The following PRKDC variants were observed in gnomAD, a reference collection of about 807,000 sequenced individuals.
PRKDC encodes DNA-dependent protein kinase catalytic subunit.
In PRKDC, 82 loss-of-function variants were observed where a neutral mutation model predicts 486.9. The ratio of observed to expected loss-of-function variants is 0.17; its 90% CI spans 0.14 to 0.20. PRKDC has a LOEUF of 0.20. Among genes scored for constraint, PRKDC ranks in the 10% least tolerant of loss-of-function variants. PRKDC has a pLI of 1.00. For synonymous variants in PRKDC, 1,895 were observed against 1,837.0 expected (o/e 1.03, Z -0.81); for missense variants, 4,504 against 5,038.2 (o/e 0.89, Z 3.21).
chr8:47,900,335 G>C, intron 28 of PRKDC, 38 bp downstream of exon 28: 1 of 1,492,512 alleles, frequency 6.7e-7, no homozygotes, highest in Non-Finnish European at 9.1e-7. Context: ...AAACTCTTCA[G>C]ACCTGTAACG....
At chr8:47,853,618 G>A (rs945020360) in intron 51 of PRKDC, among the ~76,000 whole-genome samples, 4 of 152,148 alleles carry the variant, frequency 2.6e-5, no homozygotes, top group East Asian at 1.9e-4. Context: ...AGCCCTCACC[G>A]TCAGAGAGCC....
intron 76 of PRKDC, among the ~76,000 whole-genome samples, chr8:47,786,644 T>C (rs949222694): frequency 1.3e-5 from 2 of 151,862 alleles, no homozygotes; most frequent in African/African-American, 4.8e-5. Flanking sequence ...AAGAGAAAAA[T>C]TTAAGAATGC....
chr8:47,935,328 T>C (rs1485386761), intron 13 of PRKDC, among the ~76,000 whole-genome samples: 1 of 151,950 alleles, frequency 6.6e-6, no homozygotes, highest in African/African-American at 2.4e-5. Context: ...GGTGAAACCC[T>C]GTCTCTACTA....
rs558717474 is a variant in PRKDC, at chr8:47,777,140, A to G, written c.12043-157T>C. 1.9e-4 allele frequency among the ~76,000 whole-genome samples: 29 copies of G among 152,206 alleles called. No individual in the cohort carries two copies. In the South Asian group the frequency reaches 6.0e-3, roughly 32 times the overall value. On this transcript the variant is annotated intron_variant, in intron 84 of 85. Transcript: ENST00000314191. ...CTACAAAGCTGTTCATACAGACTCC[A>G]TGGCACACACATCACGAGACGAGGG...
At chr8:47,835,828 T>C (rs568313366) in intron 58 of PRKDC, among the ~76,000 whole-genome samples, 4 of 151,642 alleles carry the variant, frequency 2.6e-5, no homozygotes, top group African/African-American at 9.7e-5. Flanking sequence ...AGTGGCGTGA[T>C]CACAGATCAC....
rs1467968549 is a variant in PRKDC, at chr8:47,800,795, T to C, written c.10114A>G (p.Lys3372Glu). 6.2e-7 allele frequency: 1 copy of C among 1,606,338 alleles called. No individual in the cohort carries two copies. Among genetic ancestry groups the C allele is most frequent in the East Asian group, 2.2e-5 (1 of 44,798 alleles). The change falls in exon 71 of 86, where the codon AAG becomes GAG. Residue 3372 changes from lysine to glutamate, a missense_variant and splice_region_variant. Lys to Glu is a moderately conservative substitution (Grantham distance 56). Around this residue, in one of 6 missense-constraint regions of PRKDC, gnomAD observed 1,592 missense variants for 1,724.6 expected, o/e 0.92. Transcript: ENST00000314191. ...GTAAAACATTCCTCCAGTATTACCT[T>C]CTCTGAATCCTCTGAACTGGATCCA... ...LSGSSSEDSE[K>E]VIAGLYQRAF... is the part of the protein sequence containing the mutation.
At chr8:47,841,956 G>C (rs2088156394) in intron 54 of PRKDC, among the ~76,000 whole-genome samples, 1 of 152,202 alleles carries the variant, frequency 6.6e-6, no homozygotes. Context: ...CACCTCACCA[G>C]CTGCACAACC....
At chr8:47,907,596 G>A (rs1362614706) in intron 25 of PRKDC, among the ~76,000 whole-genome samples, 1 of 142,032 alleles carries the variant, frequency 7.0e-6, no homozygotes, top group East Asian at 2.1e-4. Flanking sequence ...GCGCAGTGGT[G>A]AAATCTGGGC....
At chr8:47,859,239 A>G (rs1305785000) in intron 46 of PRKDC, among the ~76,000 whole-genome samples, 1 of 152,150 alleles carries the variant, frequency 6.6e-6, no homozygotes, top group Admixed American at 6.5e-5. Flanking sequence ...TCCTGAGGTC[A>G]GATGTCTCTG....
chr8:47,945,597 C>G (rs973476196), intron 7 of PRKDC, among the ~76,000 whole-genome samples: 6 of 152,238 alleles, frequency 3.9e-5, no homozygotes, highest in Admixed American at 6.5e-5. Context: ...CTTTTTAAGT[C>G]TAAGTAATGT....
chr8:47,798,187 C>CT (rs781742592), intron 73 of PRKDC, 50 bp downstream of exon 73: 28 of 1,572,658 alleles, frequency 1.8e-5, no homozygotes, highest in Non-Finnish European at 2.4e-5. Flanking sequence ...ATAAGCGTAT[C>CT]TTTAAGTTCT....
chr8:47,786,284 C>G (rs1477633206), intron 76 of PRKDC, among the ~76,000 whole-genome samples: 1 of 147,976 alleles, frequency 6.8e-6, no homozygotes, highest in Non-Finnish European at 1.5e-5. Flanking sequence ...CGGTGGCACT[C>G]GCCTGTAGTC....
intron 56 of PRKDC, among the ~76,000 whole-genome samples, chr8:47,838,009 A>T (rs1390953146): frequency 1.3e-5 from 2 of 151,928 alleles, no homozygotes; most frequent in African/African-American, 2.4e-5. Flanking sequence ...GGTGGCACCC[A>T]CCTGTAGTCC....
rs572298242 is a variant in PRKDC at position 47,860,909 on chromosome 8, A to G, written c.6048T>C (p.Asn2016=). The G allele has an allele frequency of 1.9e-6, 3 of 1,607,858 alleles. No individual in the cohort carries two copies. Among genetic ancestry groups the G allele is most frequent in the Non-Finnish European group, 2.5e-6 (3 of 1,177,056 alleles). ...EIRKEAREAA[N]GDSDGPSYMS... is the part of the protein sequence containing the mutation. ...TTGAAAACATCCTACCTGAATCCCCATTTGCTGCTTCTCTGGCTTCTTTCC... is the reference window on the plus strand; with the variant it reads ...TTGAAAACATCCTACCTGAATCCCCGTTTGCTGCTTCTCTGGCTTCTTTCC... Residue 2016 remains asparagine (N), a synonymous_variant, in exon 45 of 86, where the codon AAT becomes AAC. Transcript: ENST00000314191.
At chr8:47,798,088 A>G in intron 73 of PRKDC, 149 bp downstream of exon 73, 1 of 803,088 alleles carries the variant, frequency 1.2e-6, no homozygotes, top group Non-Finnish European at 1.8e-6. Context: ...GCTTTAAATT[A>G]CCTATGTCCT....
At chr8:47,906,815 T>C (rs1297162189) in intron 25 of PRKDC, among the ~76,000 whole-genome samples, 1 of 151,352 alleles carries the variant, frequency 6.6e-6, no homozygotes, top group Non-Finnish European at 1.5e-5. Flanking sequence ...CTGTAGTTAA[T>C]ATCACCTCAA....
intron 7 of PRKDC, among the ~76,000 whole-genome samples, chr8:47,952,217 A>G (rs1289153010): frequency 6.6e-6 from 1 of 152,256 alleles, no homozygotes; most frequent in Non-Finnish European, 1.5e-5. Flanking sequence ...AGGCAAACCA[A>G]GTGCCCATAT....
In PRKDC at chr8:47,927,250, T is replaced by G; in HGVS notation, c.2363A>C (p.Tyr788Ser). 6.2e-7 allele frequency: 1 copy of G among 1,613,890 alleles called. No homozygotes were observed. The highest frequency in any genetic ancestry group is 8.5e-7 in the Non-Finnish European group (1 of 1,179,782). The change falls in exon 21 of 86, where the codon TAT becomes TCT. Residue 788 changes from tyrosine to serine, a missense_variant. Transcript: ENST00000314191. ...IYIDRHVMQP[Y>S]YKDILPCLDG... ...CAGGCAGGGGAGAATGTCTTTGTAA[T>G]AAGGCTGCATTACATGTCTGTCAAT...
Position 47,881,103 on chromosome 8 carries a change from C to A in PRKDC, c.5067+313G>T, listed in dbSNP as rs550928142. Among the ~76,000 whole-genome samples, 784 of 148,424 alleles carry A rather than the reference C, an allele frequency of 5.3e-3. 9 individuals are homozygous for A. The highest frequency in any genetic ancestry group is 0.024 in the South Asian group (110 of 4,622). On this transcript the variant is annotated intron_variant, in intron 38 of 85. Transcript: ENST00000314191. ...GAAAGCAAGAAAGCAAGCAAGCAAG[C>A]AAGAAAGAAAGAAATGTTCTCATGT...
Sources: allele counts gnomAD v4.1 joint callset (sites outside exome capture counted in the v4.1 genomes callset), GRCh38; gene constraint gnomAD v4.1.1; regional missense constraint gnomAD v4.1.1; transcripts MANE v1.5; gene names NCBI Gene and HGNC (gene_info 2026-07-23, HGNC 2026-07-21).